TMEM177: variants seen among roughly 807,000 people sequenced by gnomAD.
TMEM177 encodes transmembrane protein 177.
TMEM177 carries 4 observed loss-of-function variants against 14.2 expected under a neutral mutation model. The observed-to-expected ratio is 0.28, with a 90% CI of 0.14 to 0.64. The LOEUF is 0.64. Among genes scored for constraint, TMEM177 ranks in the 30% least tolerant of loss-of-function variants. TMEM177 has a pLI of 0.82. For missense variants in TMEM177, 344 were observed against 405.2 expected, an observed-to-expected ratio of 0.85 and a Z score of 1.30; for synonymous variants, 179 against 174.5, an observed-to-expected ratio of 1.03 and a Z score of -0.20.
the TMEM177 span, among the ~76,000 whole-genome samples, chr2:119,720,805 A>C: frequency 6.6e-6 from 1 of 152,182 alleles, no homozygotes; most frequent in Non-Finnish European, 1.5e-5. Context: ...TTGCAGTTCA[A>C]AGTATAATAG....
At chr2:119,718,545 T>C in the TMEM177 span, among the ~76,000 whole-genome samples, 3 of 152,214 alleles carry the variant, frequency 2.0e-5, no homozygotes, top group Admixed American at 2.0e-4. Flanking sequence ...ATTTGCTACT[T>C]TCAAAGGAAT....
the TMEM177 span, among the ~76,000 whole-genome samples, chr2:119,696,832 A>AGACG: frequency 1.3e-5 from 2 of 151,378 alleles, no homozygotes; most frequent in African/African-American, 2.4e-5. Context: ...TCGGGGAGGC[A>AGACG]GGGAGAAGTG....
chr2:119,696,727 A>T, the TMEM177 span, among the ~76,000 whole-genome samples: 1 of 152,174 alleles, frequency 6.6e-6, no homozygotes, highest in Non-Finnish European at 1.5e-5. Context: ...ACCAAGTGGA[A>T]ATCCGGGGAA....
the TMEM177 span, among the ~76,000 whole-genome samples, chr2:119,697,036 C>T: frequency 6.6e-6 from 1 of 152,338 alleles, no homozygotes; most frequent in East Asian, 1.9e-4. Context: ...CATGGCCAGA[C>T]ACAGACCTGG....
chr2:119,694,744 C>T, the TMEM177 span, among the ~76,000 whole-genome samples: 10 of 152,238 alleles, frequency 6.6e-5, no homozygotes, highest in South Asian at 4.1e-4. Flanking sequence ...CTTGGGCCCC[C>T]GGTGAGGGTG....
chr2:119,694,542 G>C, the TMEM177 span, among the ~76,000 whole-genome samples: 3 of 152,238 alleles, frequency 2.0e-5, no homozygotes, highest in Non-Finnish European at 4.4e-5. Context: ...CTCTGCCCTG[G>C]ACCCTGTGTG....
At chr2:119,701,926 C>A in the TMEM177 span, among the ~76,000 whole-genome samples, 1 of 152,152 alleles carries the variant, frequency 6.6e-6, no homozygotes, top group Non-Finnish European at 1.5e-5. Flanking sequence ...GTCAGATTAC[C>A]GGTCTAGTTT....
the TMEM177 span, among the ~76,000 whole-genome samples, chr2:119,720,902 G>A: frequency 1.3e-5 from 2 of 152,164 alleles, no homozygotes; most frequent in African/African-American, 2.4e-5. Context: ...ATATTTCAGA[G>A]AATGCAGAGT....
the TMEM177 span, among the ~76,000 whole-genome samples, chr2:119,693,212 G>T: frequency 7.2e-4 from 110 of 152,312 alleles, 1 homozygote; most frequent in South Asian, 8.7e-3. Flanking sequence ...GGCCACAGCA[G>T]CACCCTTTTG....
At chr2:119,698,575 A>T in the TMEM177 span, 1 of 158,490 alleles carries the variant, frequency 6.3e-6, no homozygotes, top group African/African-American at 2.4e-5. Context: ...TGGAAGTGAA[A>T]CAGCAGATGG....
chr2:119,720,306 C>T, the TMEM177 span, among the ~76,000 whole-genome samples: 1 of 151,320 alleles, frequency 6.6e-6, no homozygotes, highest in African/African-American at 2.4e-5. Context: ...CGGAGTTTCC[C>T]TCTTGTTACC....
At chr2:119,721,250 C>T in the TMEM177 span, among the ~76,000 whole-genome samples, 77,027 of 151,942 alleles carry the variant, frequency 0.51, 20,521 homozygotes, top group East Asian at 0.66. Flanking sequence ...CACCACATGG[C>T]CAATGTTCAG....
chr2:119,699,391 CT>C, the TMEM177 span, among the ~76,000 whole-genome samples: 1 of 152,204 alleles, frequency 6.6e-6, no homozygotes, highest in Non-Finnish European at 1.5e-5. Context: ...TCCCCTCCCA[CT>C]GTGGCAGGAC....
chr2:119,690,739 C>T (rs764868316), downstream of TMEM177, among the ~76,000 whole-genome samples: 22 of 152,354 alleles, frequency 1.4e-4, no homozygotes, highest in African/African-American at 4.1e-4. Flanking sequence ...AACCCCTTGA[C>T]GCTGGCTCGC....
At chr2:119,687,843 G>C (rs1689039982), downstream of TMEM177, among the ~76,000 whole-genome samples, 1 of 152,170 alleles carries the variant, frequency 6.6e-6, no homozygotes, top group Non-Finnish European at 1.5e-5. Context: ...TGGTAACTTG[G>C]TATGCAGAAA....
the TMEM177 span, among the ~76,000 whole-genome samples, chr2:119,704,154 G>A: frequency 6.6e-6 from 1 of 152,190 alleles, no homozygotes; most frequent in Non-Finnish European, 1.5e-5. Flanking sequence ...GAAAGCATTT[G>A]AAAGCATGGT....
chr2:119,710,459 C>T, the TMEM177 span, among the ~76,000 whole-genome samples: 2 of 152,184 alleles, frequency 1.3e-5, no homozygotes, highest in East Asian at 3.8e-4. Flanking sequence ...CCGCGAGTTT[C>T]GTGGGGCAGC....
chr2:119,693,594 G>T, the TMEM177 span, among the ~76,000 whole-genome samples: 3 of 151,822 alleles, frequency 2.0e-5, no homozygotes, highest in African/African-American at 7.3e-5. Flanking sequence ...GAGCTGACCC[G>T]TGTGTGTCCT....
downstream of TMEM177, among the ~76,000 whole-genome samples, chr2:119,684,872 G>A (rs943648859): frequency 7.2e-5 from 11 of 152,026 alleles, no homozygotes; most frequent in African/African-American, 1.9e-4. Context: ...ATAATATTGC[G>A]TCCCTACACA....
Sources: allele counts gnomAD v4.1 joint callset (sites outside exome capture counted in the v4.1 genomes callset), GRCh38; gene constraint gnomAD v4.1.1; transcripts MANE v1.5; gene names NCBI Gene and HGNC (gene_info 2026-07-23, HGNC 2026-07-21).